Variants in RAB11FIP5 observed in about 807,000 individuals in gnomAD.
RAB11FIP5 encodes RAB11 family interacting protein 5, also known as rab11 family-interacting protein 5.
In RAB11FIP5, 48 loss-of-function variants were observed where a neutral mutation model predicts 85.1. The ratio of observed to expected loss-of-function variants is 0.56; its 90% CI spans 0.45 to 0.72. The LOEUF (loss-of-function observed/expected upper bound fraction) is 0.72. Ranked by LOEUF, RAB11FIP5 falls within the 30% of genes least tolerant of loss-of-function variation. The pLI is 0.00. For missense variants in RAB11FIP5, 1,491 were observed against 1,687.0 expected, an observed-to-expected ratio of 0.88 and a Z score of 2.04; for synonymous variants, 729 against 727.3, an observed-to-expected ratio of 1.00 and a Z score of -0.04.
chr2:73,097,773 C>A (rs1684349892), intron 1 of RAB11FIP5, among the ~76,000 whole-genome samples: 1 of 152,202 alleles, frequency 6.6e-6, no homozygotes, highest in East Asian at 1.9e-4. Context: ...TTGTGAGACA[C>A]TTCCTCAGCC....
intron 1 of RAB11FIP5, among the ~76,000 whole-genome samples, chr2:73,093,564 G>T (rs1290613862): frequency 6.6e-6 from 1 of 152,194 alleles, no homozygotes; most frequent in Non-Finnish European, 1.5e-5. Context: ...ATCTGGATGC[G>T]CCTGACAGCA....
At position 73,078,374 on chromosome 2, in the gene RAB11FIP5, AT is replaced by A. The variant is rs1317288516; in HGVS notation, c.3581+1276del. On this transcript the variant is annotated intron_variant, in intron 4 of 5. Coordinates refer to ENST00000486777, the MANE Select transcript of RAB11FIP5 (RefSeq NM_001371272.1). The surrounding 1 kb of genome is among the most constrained non-coding windows in gnomAD (Gnocchi z 4.4). The stretch of plus-strand genomic sequence containing the variant: ...GCCAACTCTGGGACGAATAAAACTT[AT>A]AAAAAGTGGCAAGTATTATTAGAGG... Among the ~76,000 whole-genome samples the A allele has an allele frequency of 6.6e-6, 1 of 152,230 alleles. No homozygotes were observed. The highest frequency in any genetic ancestry group is 2.4e-5 in the African/African-American group (1 of 41,464).
chr2:73,081,231 C>A lies in RAB11FIP5; in HGVS notation c.2001G>T (p.Glu667Asp), dbSNP rs1384803298. Reference protein sequence around the residue: ...ASRLRPEARSEILAPAGVGLE... With the variant: ...ASRLRPEARSDILAPAGVGLE... The stretch of plus-strand genomic sequence containing the variant: ...GCCCCACTCCTGCAGGGGCCAGGAT[C>A]TCGCTCCTGGCCTCTGGACGCAGCC... Residue 667 changes from glutamate to aspartate, a missense_variant, in exon 4 of 6, where the codon GAG becomes GAT. By Grantham distance (45) the Glu-to-Asp change is conservative. This residue lies in a region of RAB11FIP5 where 1,211 missense variants were observed against 1,338.0 expected (regional missense o/e 0.91). Transcript: ENST00000486777. The surrounding 1 kb of genome is among the most constrained non-coding windows in gnomAD (Gnocchi z 4.2). 2.4e-6 allele frequency: 3 copies of A among 1,232,252 alleles called. No homozygotes were observed. Among genetic ancestry groups the A allele is most frequent in the Non-Finnish European group, 3.0e-6 (3 of 988,168 alleles). The allele number at this position is 1,232,252 out of a possible 1,614,324, so 76.3% of individuals were successfully genotyped here. A position where few individuals can be genotyped will look rare whatever the true frequency, so the allele number is the denominator to read the frequency against.
chr2:73,097,284 G>A (rs1353099759), intron 1 of RAB11FIP5, among the ~76,000 whole-genome samples: 12 of 152,016 alleles, frequency 7.9e-5, no homozygotes, highest in South Asian at 4.1e-4. Context: ...TGATCCACCC[G>A]CCTCGGCCTC....
In RAB11FIP5 at chr2:73,088,067, G is replaced by A. The variant is rs372919327; in HGVS notation, c.1551C>T (p.Asp517=). ...SSWFGLREAK[D]PTQKPSLDVS... Reference sequence around the variant, plus strand: ...CGACTTACCTGGGTTTCTGAGTCGGGTCCTTGGCTTCTCTCAAGCCAAACC... The same window carrying A: ...CGACTTACCTGGGTTTCTGAGTCGGATCCTTGGCTTCTCTCAAGCCAAACC... Residue 517 remains aspartate, a synonymous_variant, in exon 3 of 6, where the codon GAC becomes GAT. Transcript: ENST00000486777. 2.5e-6 allele frequency: 4 copies of A among 1,601,716 alleles called. No individual in the cohort carries two copies. The highest frequency in any genetic ancestry group is 3.4e-6 in the Non-Finnish European group (4 of 1,172,884).
At position 73,089,075 on chromosome 2, in the gene RAB11FIP5, G is replaced by A. The variant is rs1294063749; in HGVS notation, c.672C>T (p.Ser224=). Residue 224 remains serine (S), a synonymous_variant, in exon 2 of 6, where the codon AGC becomes AGT. Coordinates refer to ENST00000486777, the MANE Select transcript of RAB11FIP5 (RefSeq NM_001371272.1). This position sits in a 1 kb window ranked among gnomAD's most constrained non-coding sequence, Gnocchi z 4.6. ...SSAIEDPDLG[S]LGKMGKAKGF... ...CTTTGGCTTTGCCCATCTTGCCCAG[G>A]CTGCCCAGGTCAGGATCCTCTATGG... The A allele has an allele frequency of 6.8e-6, 11 of 1,614,242 alleles. No individual in the cohort carries two copies. Among genetic ancestry groups the A allele is most frequent in the East Asian group, 2.2e-5 (1 of 44,878 alleles).
rs1683944014 is a variant in RAB11FIP5 at position 73,080,154 on chromosome 2, T to G, written c.3078A>C (p.Glu1026Asp). The G allele has an allele frequency of 1.1e-5, 14 of 1,231,996 alleles. No individual in the cohort carries two copies. Among genetic ancestry groups the G allele is most frequent in the African/African-American group, 1.6e-5 (1 of 64,374 alleles). The allele number at this position is 1,231,996 out of a possible 1,614,324, so 76.3% of individuals were successfully genotyped here. A position where few individuals can be genotyped will look rare whatever the true frequency, so the allele number is the denominator to read the frequency against. Residue 1026 changes from glutamate to aspartate, a missense_variant, in exon 4 of 6, where the codon GAA becomes GAC. Physicochemically the swap from Glu to Asp is conservative, Grantham distance 45. Around this residue, in one of 3 missense-constraint regions of RAB11FIP5, gnomAD observed 1,211 missense variants for 1,338.0 expected, o/e 0.91. Coordinates refer to ENST00000486777, the MANE Select transcript of RAB11FIP5 (RefSeq NM_001371272.1). ...CCTGGGCCTCAGGAGCCTCAGGGCC[T>G]TCTCCAACCTCTGGAGTCCCCCAGA... is the stretch of plus-strand genomic sequence containing the variant. ...QHIWGTPEVG[E>D]GPEAPEAQGQ...
chr2:73,112,766 C>A lies in RAB11FIP5; in HGVS notation c.12G>T (p.Val4=). 6.9e-7 allele frequency: 1 copy of A among 1,450,568 alleles called. No individual in the cohort carries two copies. Among genetic ancestry groups the A allele is most frequent in the Non-Finnish European group, 9.0e-7 (1 of 1,108,566 alleles). 89.9% of individuals were successfully genotyped at this position (1,450,568 alleles called of 1,614,324 possible). A position where few individuals can be genotyped will look rare whatever the true frequency, so the allele number is the denominator to read the frequency against. Residue 4 remains valine (V), a synonymous_variant, in exon 1 of 6, where the codon GTG becomes GTT. Transcript: ENST00000486777. The stretch of plus-strand genomic sequence containing the variant: ...GCCCCGCCGCCGGCTCCGCGCCCCG[C>A]ACCAGGGCCATGGCGGAGAAGCGGG... MAL[V]RGAEPAAGPS...
chr2:73,095,110 C>A (rs1244901876), intron 1 of RAB11FIP5, among the ~76,000 whole-genome samples: 1 of 152,146 alleles, frequency 6.6e-6, no homozygotes, highest in African/African-American at 2.4e-5. Context: ...GCAAAGCACC[C>A]ACCTTGACTT....
At chr2:73,112,216 T>G in intron 1 of RAB11FIP5, 131 bp downstream of exon 1, 1 of 1,087,986 alleles carries the variant, frequency 9.2e-7, no homozygotes, top group Non-Finnish European at 1.2e-6. Context: ...AACCAACGTT[T>G]CTGTCGGTTT....
Position 73,088,141 on chromosome 2 carries a change from C to T in RAB11FIP5, c.1477G>A (p.Ala493Thr), listed in dbSNP as rs1463924478. The T allele has an allele frequency of 1.2e-6, 2 of 1,614,080 alleles. No individual in the cohort carries two copies. The highest frequency in any genetic ancestry group is 1.6e-4 in the Middle Eastern group (1 of 6,062). Residue 493 changes from alanine to threonine, a missense_variant, in exon 3 of 6, where the codon GCC becomes ACC. Coordinates refer to ENST00000486777, the MANE Select transcript of RAB11FIP5 (RefSeq NM_001371272.1). ...CCACTGGATGAGTGATGTGGGGAGG[C>T]CCCCAGGATGGGACCCCCCTTTTCC... is the stretch of plus-strand genomic sequence containing the variant. Reference protein sequence around the residue: ...LGEKGGPILGASPHHSSSGEE... With the variant: ...LGEKGGPILGTSPHHSSSGEE...
intron 3 of RAB11FIP5, among the ~76,000 whole-genome samples, chr2:73,082,074 T>A (rs999993688): frequency 6.6e-6 from 1 of 151,148 alleles, no homozygotes. Flanking sequence ...TAGAGTCTCT[T>A]GCCCAGGCTG....
intron 4 of RAB11FIP5, among the ~76,000 whole-genome samples, chr2:73,076,578 C>T (rs1313151202): frequency 6.6e-6 from 1 of 152,148 alleles, no homozygotes; most frequent in Non-Finnish European, 1.5e-5. Context: ...ACCAACCCTC[C>T]CAAGTTCCCA....
Position 73,088,118 on chromosome 2 carries a change from A to G in RAB11FIP5, c.1500T>C (p.Ser500=), listed in dbSNP as rs1032590031. 7 of 1,613,370 alleles carry G rather than the reference A, an allele frequency of 4.3e-6. No individual in the cohort carries two copies. In the African/African-American group the frequency reaches 9.4e-5, roughly 22 times the overall value. The change falls in exon 3 of 6, where the codon AGT becomes AGC. Residue 500 remains serine, a synonymous_variant. Transcript: ENST00000486777. The part of the protein sequence containing the change: ...ILGASPHHSS[S]GEEKAKSSWF... ...AGCTACTCTTGGCCTTTTCCTCCCC[A>G]CTGGATGAGTGATGTGGGGAGGCCC...
In RAB11FIP5 at chr2:73,088,710, T is replaced by A. The variant is rs146973549; in HGVS notation, c.908A>T (p.Lys303Met). The change falls in exon 3 of 6, where the codon AAG (lysine) becomes ATG (methionine). Residue 303 changes from lysine (K) to methionine (M), a missense_variant. Lys to Met is a moderately conservative substitution (Grantham distance 95). Coordinates refer to ENST00000486777, the MANE Select transcript of RAB11FIP5 (RefSeq NM_001371272.1). ...SAQSPKLFTH[K>M]RTYSDEANQM... ...GTTGGCCTCATCGCTGTAGGTCCTC[T>A]TATGGGTGAACAGCTTGGGGGACTG... The A allele has an allele frequency of 3.6e-4, 574 of 1,610,802 alleles. 1 individual carries two copies. The highest frequency in any genetic ancestry group is 2.0e-4 in the Non-Finnish European group (234 of 1,178,966).
intron 4 of RAB11FIP5, among the ~76,000 whole-genome samples, chr2:73,077,876 G>A (rs1683894043): frequency 6.6e-6 from 1 of 152,234 alleles, no homozygotes; most frequent in Admixed American, 6.5e-5. Flanking sequence ...TTACTTCACA[G>A]AGGATTTAGA....
rs776543759 is a variant in RAB11FIP5 at position 73,074,786 on chromosome 2, A to T, written c.*735T>A. ...GTGGTCAAGAGCTCGAAAAGCAAAAAGGTGCTCTCTCCGCACCCGCCCCTG... is the reference window on the plus strand; with the variant it reads ...GTGGTCAAGAGCTCGAAAAGCAAAATGGTGCTCTCTCCGCACCCGCCCCTG... On this transcript the variant is annotated 3_prime_UTR_variant, in exon 6 of 6. Coordinates refer to ENST00000486777, the MANE Select transcript of RAB11FIP5 (RefSeq NM_001371272.1). 12 of 190,402 alleles carry T rather than the reference A, an allele frequency of 6.3e-5. No individual in the cohort carries two copies. The highest frequency in any genetic ancestry group is 1.1e-4 in the Non-Finnish European group (10 of 89,554). The allele number at this position is 190,402 out of a possible 1,614,324, so 11.8% of individuals were successfully genotyped here. A position where few individuals can be genotyped will look rare whatever the true frequency, so the allele number is the denominator to read the frequency against.
chr2:73,082,971 T>C (rs10180995), intron 3 of RAB11FIP5, among the ~76,000 whole-genome samples: 50,559 of 152,118 alleles, frequency 0.33, 10,244 homozygotes, highest in East Asian at 0.56. Context: ...TCCCTCCTCA[T>C]GGCTGGTCTC....
chr2:73,107,690 C>T (rs367587488), intron 1 of RAB11FIP5, among the ~76,000 whole-genome samples: 4 of 152,206 alleles, frequency 2.6e-5, no homozygotes, highest in East Asian at 3.8e-4. Flanking sequence ...ATAAAAACCA[C>T]CCCATAACTA....
Sources: allele counts gnomAD v4.1 joint callset (sites outside exome capture counted in the v4.1 genomes callset), GRCh38; gene constraint gnomAD v4.1.1; regional missense constraint gnomAD v4.1.1; non-coding constraint Gnocchi (gnomAD v3.1); transcripts MANE v1.5; gene names NCBI Gene and HGNC (gene_info 2026-07-23, HGNC 2026-07-21).